NPAS2: variants seen among roughly 807,000 people sequenced by gnomAD.
NPAS2 encodes neuronal PAS domain-containing protein 2.
In NPAS2, 23 loss-of-function variants were observed where a neutral mutation model predicts 107.5. The ratio of observed to expected loss-of-function variants is 0.21; its 90% CI spans 0.15 to 0.30. The LOEUF (loss-of-function observed/expected upper bound fraction) is 0.30, where lower values mean the gene tolerates loss of function less well. NPAS2 is among the 10% of genes least tolerant of loss of function. The pLI is 1.00. For synonymous variants in NPAS2, 403 were observed against 417.5 expected (o/e 0.97, Z 0.42); for missense variants, 756 against 1,043.3 (o/e 0.72, Z 3.79).
At chr2:100,935,027 A>G in intron 4 of NPAS2, 1 of 985,396 alleles carries the variant, frequency 1.0e-6, no homozygotes, top group African/African-American at 1.7e-5. Flanking sequence ...TCTAAGAGGC[A>G]CAAAACCAGA....
intron 2 of NPAS2, among the ~76,000 whole-genome samples, chr2:100,911,208 T>C (rs952255708): frequency 6.6e-6 from 1 of 151,960 alleles, no homozygotes; most frequent in African/African-American, 2.4e-5. Context: ...TCCTGAAAAA[T>C]AAAAACATAG....
rs562089874 is a variant in NPAS2, at chr2:100,922,539, C to T, written c.33-2607C>T. On this transcript the variant is annotated intron_variant, in intron 2 of 20. Transcript: ENST00000335681. ...TGGAGGTTGTAGTGAGCTGAGATCG[C>T]GTCACTGCACTCCAGCCTGGGCAAC... Among the ~76,000 whole-genome samples, 43 of 152,202 alleles carry T rather than the reference C, an allele frequency of 2.8e-4. No homozygotes were observed. The South Asian group carries it at 8.7e-3, about 31-fold the overall frequency.
intron 1 of NPAS2, among the ~76,000 whole-genome samples, chr2:100,885,643 A>G (rs1680655224): frequency 6.6e-6 from 1 of 152,198 alleles, no homozygotes; most frequent in African/African-American, 2.4e-5. Context: ...ATTATAAGAA[A>G]TGCTTTGAAT....
chr2:100,866,280 G>A (rs1314678922), intron 1 of NPAS2, among the ~76,000 whole-genome samples: 3 of 152,160 alleles, frequency 2.0e-5, no homozygotes, highest in South Asian at 4.1e-4. Context: ...AAGAGCAGGC[G>A]ACTCATGAGT....
At chr2:100,960,059 C>T (rs1351162771) in intron 7 of NPAS2, among the ~76,000 whole-genome samples, 1 of 152,122 alleles carries the variant, frequency 6.6e-6, no homozygotes, top group Non-Finnish European at 1.5e-5. Context: ...TTTGGGAGCT[C>T]ACCTTTGTCA....
At chr2:100,829,802 T>C (rs1676616506) in intron 1 of NPAS2, among the ~76,000 whole-genome samples, 1 of 152,136 alleles carries the variant, frequency 6.6e-6, no homozygotes, top group Non-Finnish European at 1.5e-5. Context: ...GCAAATGAAA[T>C]GGATAAAACT....
intron 7 of NPAS2, among the ~76,000 whole-genome samples, chr2:100,952,487 C>A (rs1193326506): frequency 6.6e-6 from 1 of 152,068 alleles, no homozygotes; most frequent in Non-Finnish European, 1.5e-5. Flanking sequence ...TTACTTGAAC[C>A]TGGGAGGCGG....
intron 2 of NPAS2, among the ~76,000 whole-genome samples, chr2:100,906,407 A>G (rs778129392): frequency 3.3e-5 from 5 of 152,148 alleles, no homozygotes; most frequent in Admixed American, 6.5e-5. Context: ...ATGAATTCCA[A>G]CTGACCCCTC....
At chr2:100,978,240 G>A (rs1677158976) in intron 15 of NPAS2, among the ~76,000 whole-genome samples, 1 of 152,034 alleles carries the variant, frequency 6.6e-6, no homozygotes, top group Non-Finnish European at 1.5e-5. Flanking sequence ...CCACTTAGAA[G>A]TGAAAACATA....
chr2:100,834,363 T>C (rs1337412469), intron 1 of NPAS2, among the ~76,000 whole-genome samples: 7 of 152,200 alleles, frequency 4.6e-5, no homozygotes, highest in East Asian at 1.9e-4. Flanking sequence ...CTGCCGTGAG[T>C]AGCATAAGAT....
rs192521329 is a variant in NPAS2, at chr2:100,984,839, A to C, written c.1629+2462A>C. 1.5e-4 allele frequency: 23 copies of C among 152,032 alleles called. No individual in the cohort carries two copies. In the East Asian group the frequency reaches 4.3e-3, roughly 28 times the overall value. 9.4% of individuals were successfully genotyped at this position (152,032 alleles called of 1,614,324 possible). A position where few individuals can be genotyped will look rare whatever the true frequency, so the allele number is the denominator to read the frequency against. ...CTTCATTGCTTCAAAACTTTCGTCG[A>C]GGCTATATGTGCCTGTGATGCTTAC... On this transcript the variant is annotated intron_variant, in intron 16 of 20. Coordinates refer to ENST00000335681, the MANE Select transcript of NPAS2 (RefSeq NM_002518.4).
intron 1 of NPAS2, among the ~76,000 whole-genome samples, chr2:100,824,291 T>G (rs1676243255): frequency 1.3e-5 from 2 of 151,908 alleles, no homozygotes; most frequent in Admixed American, 1.3e-4. Flanking sequence ...AAATGGAAAA[T>G]TATTGGGAGC....
intron 16 of NPAS2, chr2:100,983,203 C>T (rs867991137): frequency 2.6e-5 from 4 of 152,272 alleles, no homozygotes; most frequent in Non-Finnish European, 4.4e-5. Context: ...GCAGAAATAA[C>T]ATCTCTGCTG....
Position 100,926,805 on chromosome 2 carries a change from T to A in NPAS2, c.181+1511T>A, listed in dbSNP as rs188370892. Reference sequence around the variant, plus strand: ...GGTTTTAAATTTTAATCAGTTAATGTCAAATTTATTTTTTTCTTTTGACTA... The same window carrying A: ...GGTTTTAAATTTTAATCAGTTAATGACAAATTTATTTTTTTCTTTTGACTA... On this transcript the variant is annotated intron_variant, in intron 3 of 20. Coordinates refer to ENST00000335681, the MANE Select transcript of NPAS2 (RefSeq NM_002518.4). Among the ~76,000 whole-genome samples the A allele has an allele frequency of 7.2e-5, 11 of 152,318 alleles. 2 individuals carry two copies. The highest frequency in any genetic ancestry group is 2.4e-4 in the African/African-American group (10 of 41,588).
In NPAS2 at chr2:100,981,330, T is replaced by C. The variant is rs1677424667; in HGVS notation, c.1483-901T>C. Among the ~76,000 whole-genome samples the C allele has an allele frequency of 7.9e-5, 12 of 152,224 alleles. No homozygotes were observed. In the South Asian group the frequency reaches 2.5e-3, roughly 32 times the overall value. ...AAAAGGGAGAAAGAGAAAAACAGAA[T>C]GAATCTAGCAAACTCATTTGCCTCA... On this transcript the variant is annotated intron_variant, in intron 15 of 20. Transcript: ENST00000335681.
rs1676023696 is a variant in NPAS2 at position 100,820,740 on chromosome 2, G to C, written c.-23+326G>C. Among the ~76,000 whole-genome samples, 1 of 152,206 alleles carries C rather than the reference G, an allele frequency of 6.6e-6. No homozygotes were observed. The highest frequency in any genetic ancestry group is 1.5e-5 in the Non-Finnish European group (1 of 68,032). On this transcript the variant is annotated intron_variant, in intron 1 of 20. Transcript: ENST00000335681. This position sits in a 1 kb window ranked among gnomAD's most constrained non-coding sequence, Gnocchi z 5.6. ...TGGGGGTCCTCGGGGTGTCCGACAG[G>C]GTGGAGAAGGATCGTGCCCCAGGGC... is the stretch of plus-strand genomic sequence containing the variant.
chr2:100,886,833 T>C (rs1259584006), intron 1 of NPAS2, among the ~76,000 whole-genome samples: 2 of 152,348 alleles, frequency 1.3e-5, no homozygotes, highest in African/African-American at 4.8e-5. Flanking sequence ...GTCAGCTCTT[T>C]CCTTCAGTTC....
At chr2:100,824,874 T>A (rs564674624) in intron 1 of NPAS2, among the ~76,000 whole-genome samples, 109 of 152,132 alleles carry the variant, frequency 7.2e-4, no homozygotes, top group Non-Finnish European at 1.4e-3. Context: ...AGAATGGCAA[T>A]GGCAGTTTGA....
At chr2:100,939,435 G>C (rs1674446761) in intron 5 of NPAS2, among the ~76,000 whole-genome samples, 1 of 152,144 alleles carries the variant, frequency 6.6e-6, no homozygotes, top group South Asian at 2.1e-4. Flanking sequence ...GCCTGAAGGA[G>C]GAAGCTGAGG....
Sources: gnomAD v4.1 joint callset for allele counts (sites outside exome capture counted in the v4.1 genomes callset) on GRCh38, gnomAD v4.1.1 for gene constraint, Gnocchi (gnomAD v3.1) non-coding constraint, MANE v1.5 for transcripts, NCBI Gene and HGNC (gene_info 2026-07-23, HGNC 2026-07-21) for gene names.